The following SPOCK3 variants were observed in gnomAD, a reference collection of about 807,000 sequenced individuals.
SPOCK3 encodes testican-3.
A neutral mutation model predicts 56.6 loss-of-function variants in SPOCK3; 30 were observed. The ratio of observed to expected loss-of-function variants is 0.53; its 90% CI spans 0.40 to 0.72. The LOEUF is 0.72. SPOCK3 is among the 30% of genes least tolerant of loss of function. SPOCK3 has a pLI of 0.00. For missense variants in SPOCK3, 527 were observed against 530.0 expected (o/e 0.99, Z 0.06); for synonymous variants, 196 against 183.3 (o/e 1.07, Z -0.56).
At chr4:166,771,001 T>C (rs1579179551) in intron 7 of SPOCK3, among the ~76,000 whole-genome samples, 1 of 149,832 alleles carries the variant, frequency 6.7e-6, no homozygotes, top group South Asian at 2.1e-4. Flanking sequence ...TATAATACTA[T>C]ATATACAATG....
In SPOCK3 at chr4:167,034,587, TTC is replaced by T. The variant is rs1240779519; in HGVS notation, c.235+27903_235+27904del. Reference sequence around the variant, plus strand: ...TCAGCTCAGCAAGACTTAAGTCATGTTCTGTGATTAAAACCATAGCTCGTACA... The same window carrying T: ...TCAGCTCAGCAAGACTTAAGTCATGTTGTGATTAAAACCATAGCTCGTACA... On this transcript the variant is annotated intron_variant, in intron 3 of 10. Transcript: ENST00000357545. 2.0e-5 allele frequency among the ~76,000 whole-genome samples: 3 copies of T among 152,114 alleles called. No individual in the cohort carries two copies. In the East Asian group the frequency reaches 5.8e-4, roughly 29 times the overall value.
At chr4:167,204,252 T>TACA (rs143675730) in intron 2 of SPOCK3, among the ~76,000 whole-genome samples, 2,594 of 152,142 alleles carry the variant, frequency 0.017, 65 homozygotes, top group African/African-American at 0.059. Flanking sequence ...ACTCTCTGGA[T>TACA]ACAAGGGTGA....
At chr4:166,973,118 T>G (rs1475928860) in intron 4 of SPOCK3, among the ~76,000 whole-genome samples, 1 of 152,106 alleles carries the variant, frequency 6.6e-6, no homozygotes, top group African/African-American at 2.4e-5. Context: ...GATGTTCTTG[T>G]GATAGTGAGT....
At chr4:166,751,735 C>T (rs1426401451) in intron 8 of SPOCK3, among the ~76,000 whole-genome samples, 3 of 152,026 alleles carry the variant, frequency 2.0e-5, no homozygotes, top group Non-Finnish European at 4.4e-5. Context: ...AGAATAGCAA[C>T]TAATAAATGA....
At chr4:166,964,029 C>T (rs1468234046) in intron 4 of SPOCK3, among the ~76,000 whole-genome samples, 2 of 151,514 alleles carry the variant, frequency 1.3e-5, no homozygotes, top group Non-Finnish European at 3.0e-5. Context: ...AATAATTAGT[C>T]CATTATCTTG....
intron 2 of SPOCK3, among the ~76,000 whole-genome samples, chr4:167,140,791 T>C (rs1333601974): frequency 6.6e-6 from 1 of 152,000 alleles, no homozygotes; most frequent in Non-Finnish European, 1.5e-5. Context: ...TTGGGCTTAT[T>C]TATTTTCCCT....
intron 2 of SPOCK3, among the ~76,000 whole-genome samples, chr4:167,174,006 A>C (rs551710803): frequency 7.9e-5 from 12 of 152,288 alleles, no homozygotes; most frequent in Non-Finnish European, 1.6e-4. Context: ...AATTCATTCC[A>C]AGTTAAGTTC....
At chr4:167,032,379 A>G (rs1206985954) in intron 3 of SPOCK3, among the ~76,000 whole-genome samples, 2 of 151,952 alleles carry the variant, frequency 1.3e-5, no homozygotes, top group Non-Finnish European at 1.5e-5. Flanking sequence ...TCACAAAGAA[A>G]ATAAAATAAA....
rs747690729 is a variant in SPOCK3 at position 166,737,455 on chromosome 4, C to A, written c.1132+12G>T. ...CTTAGAAAATTATGAAATAAGTAAC[C>A]CTTCTCCTTACCACAATCTGCAACA... On this transcript the variant is annotated intron_variant, in intron 10 of 10. Transcript: ENST00000357545. The A allele has an allele frequency of 5.6e-5, 90 of 1,607,904 alleles. No individual in the cohort carries two copies. Among genetic ancestry groups the A allele is most frequent in the Non-Finnish European group, 7.5e-5 (88 of 1,177,496 alleles).
At chr4:166,809,856 A>G (rs1251005155) in intron 6 of SPOCK3, among the ~76,000 whole-genome samples, 2 of 152,066 alleles carry the variant, frequency 1.3e-5, no homozygotes, top group Non-Finnish European at 2.9e-5. Flanking sequence ...CGTGACCATG[A>G]TGGAGCAAGA....
chr4:167,089,961 GT>G (rs11331704), intron 2 of SPOCK3, among the ~76,000 whole-genome samples: 152,011 of 152,126 alleles, frequency 1, 75,948 homozygotes, highest in Middle Eastern at 1. Context: ...AGTAGTCTGG[GT>G]TTTTTTTTAT....
At chr4:167,033,968 T>C (rs987790455) in intron 3 of SPOCK3, among the ~76,000 whole-genome samples, 1 of 152,090 alleles carries the variant, frequency 6.6e-6, no homozygotes. Context: ...ATGTATTATA[T>C]ACTACTGGAC....
intron 6 of SPOCK3, among the ~76,000 whole-genome samples, chr4:166,841,143 T>C (rs985378680): frequency 2.6e-5 from 4 of 152,090 alleles, no homozygotes; most frequent in Admixed American, 6.6e-5. Context: ...GCCTAAGTGT[T>C]GTGGGTCTGA....
chr4:166,763,514 A>G (rs1169773422), intron 7 of SPOCK3, among the ~76,000 whole-genome samples: 2 of 152,160 alleles, frequency 1.3e-5, no homozygotes, highest in Non-Finnish European at 2.9e-5. Context: ...GTAGGTAAAC[A>G]TAGAAAACTT....
intron 2 of SPOCK3, among the ~76,000 whole-genome samples, chr4:167,066,334 C>T (rs1420418407): frequency 6.6e-6 from 1 of 151,762 alleles, no homozygotes; most frequent in Non-Finnish European, 1.5e-5. Context: ...TCTGCTTCTA[C>T]TCATGAGATA....
intron 2 of SPOCK3, among the ~76,000 whole-genome samples, chr4:167,118,324 A>T (rs2150360095): frequency 6.6e-6 from 1 of 152,288 alleles, no homozygotes; most frequent in South Asian, 2.1e-4. Flanking sequence ...ATAATCACTT[A>T]TAAATCCAGT....
intron 4 of SPOCK3, among the ~76,000 whole-genome samples, chr4:166,995,757 A>G (rs1458658366): frequency 6.6e-6 from 1 of 152,090 alleles, no homozygotes; most frequent in Admixed American, 6.6e-5. Context: ...TGCATACATT[A>G]AGTGTGAAAT....
At chr4:166,812,269 G>C (rs962948662) in intron 6 of SPOCK3, among the ~76,000 whole-genome samples, 2 of 151,686 alleles carry the variant, frequency 1.3e-5, no homozygotes, top group Non-Finnish European at 2.9e-5. Flanking sequence ...CAATATATGA[G>C]ATTACCATTT....
At chr4:166,976,908 T>C (rs1033508885) in intron 4 of SPOCK3, among the ~76,000 whole-genome samples, 1 of 150,978 alleles carries the variant, frequency 6.6e-6, no homozygotes, top group African/African-American at 2.5e-5. Flanking sequence ...TTTATTTTAT[T>C]ATACCATTTG....
Sources: gnomAD v4.1 joint callset for allele counts (sites outside exome capture counted in the v4.1 genomes callset) on GRCh38, gnomAD v4.1.1 for gene constraint, MANE v1.5 for transcripts, NCBI Gene and HGNC (gene_info 2026-07-23, HGNC 2026-07-21) for gene names.